Variants in FOXP1 observed in about 807,000 individuals in gnomAD.
FOXP1 encodes forkhead box P1, also known as forkhead box protein P1.
FOXP1 carries 15 observed loss-of-function variants against 98.2 expected under a neutral mutation model. The observed-to-expected ratio is 0.15, with a 90% CI of 0.10 to 0.24. The LOEUF (loss-of-function observed/expected upper bound fraction) is 0.24. Among genes scored for constraint, FOXP1 ranks in the 10% least tolerant of loss-of-function variants. The probability of loss-of-function intolerance (pLI) is 1.00; values close to 1 mark genes in which losing one functional copy is unlikely to be tolerated. For missense variants in FOXP1, 633 were observed against 848.5 expected (o/e 0.75, Z 3.15); for synonymous variants, 371 against 314.5 (o/e 1.18, Z -1.90).
intron 7 of FOXP1, among the ~76,000 whole-genome samples, chr3:71,076,775 T>C (rs1331358617): frequency 6.6e-6 from 1 of 152,244 alleles, no homozygotes; most frequent in East Asian, 1.9e-4. Flanking sequence ...GTCATGGCCA[T>C]GATTAACATG....
intron 3 of FOXP1, among the ~76,000 whole-genome samples, chr3:71,378,893 A>T (rs745317669): frequency 3.9e-5 from 6 of 152,234 alleles, no homozygotes; most frequent in Non-Finnish European, 5.9e-5. Flanking sequence ...GGGGTCTTGG[A>T]ATGTATCCCC....
rs936181015 is a variant in FOXP1 at position 71,490,817 on chromosome 3, T to A, written c.-168+2609A>T. ...TCATGTGGTTTTGTTAAATTTCATA[T>A]ATCAATTTTGTAATAGTGAGATTGA... On this transcript the variant is annotated intron_variant, in intron 3 of 20. Transcript: ENST00000649528. Among the ~76,000 whole-genome samples the A allele has an allele frequency of 5.3e-5, 8 of 152,212 alleles. 1 individual carries two copies. The highest frequency in any genetic ancestry group is 5.2e-4 in the Admixed American group (8 of 15,280).
chr3:70,958,121 C>CT lies in FOXP1; in HGVS notation c.*1125dup, dbSNP rs199626546. On this transcript the variant is annotated 3_prime_UTR_variant, in exon 21 of 21. Transcript: ENST00000649528. ...ATATTGTCAGTCTAATTAATATGAGCTTTTTTTTTTTTTTCAGTGCTGCCT... is the reference window on the plus strand; with the variant it reads ...ATATTGTCAGTCTAATTAATATGAGCTTTTTTTTTTTTTTTCAGTGCTGCCT... The CT allele has an allele frequency of 0.12, 33,256 of 266,114 alleles. 2,068 individuals carry two copies. Among genetic ancestry groups the CT allele is most frequent in the East Asian group, 0.36 (6,228 of 17,220 alleles). 16.5% of individuals were successfully genotyped at this position (266,114 alleles called of 1,614,324 possible). A position where few individuals can be genotyped will look rare whatever the true frequency, so the allele number is the denominator to read the frequency against.
chr3:71,395,438 A>G (rs191219606), intron 3 of FOXP1, among the ~76,000 whole-genome samples: 134 of 150,938 alleles, frequency 8.9e-4, no homozygotes, highest in East Asian at 5.1e-3. Flanking sequence ...TAAGTCTGGA[A>G]TGCTTCTCTT....
intron 5 of FOXP1, among the ~76,000 whole-genome samples, chr3:71,268,031 A>G (rs531793692): frequency 6.6e-6 from 1 of 151,716 alleles, no homozygotes; most frequent in Admixed American, 6.5e-5. Context: ...AAAAAAAAAA[A>G]AAAGTCTGTG....
intron 4 of FOXP1, among the ~76,000 whole-genome samples, chr3:71,322,645 G>A (rs1397061910): frequency 6.6e-6 from 1 of 152,172 alleles, no homozygotes; most frequent in Non-Finnish European, 1.5e-5. Flanking sequence ...AGCTCCAGGA[G>A]GGGTAAACTA....
intron 5 of FOXP1, among the ~76,000 whole-genome samples, chr3:71,201,859 T>C (rs190243562): frequency 6.8e-4 from 104 of 152,266 alleles, no homozygotes; most frequent in African/African-American, 2.3e-3. Flanking sequence ...AGGGACTTGA[T>C]CCCCAAAAGA....
chr3:71,015,670 A>G lies in FOXP1; in HGVS notation c.870-17T>C, dbSNP rs1162442596. The stretch of plus-strand genomic sequence containing the variant: ...TGGGACAAACTGAAAGAAAACACAC[A>G]GAAGACCAGAGAATGAATTTGCTGC... On this transcript the variant is annotated splice_polypyrimidine_tract_variant and intron_variant, in intron 11 of 20. Coordinates refer to ENST00000649528, the MANE Select transcript of FOXP1 (RefSeq NM_001349338.3). 6.6e-7 allele frequency: 1 copy of G among 1,526,150 alleles called. No individual in the cohort carries two copies. Among genetic ancestry groups the G allele is most frequent in the Admixed American group, 1.7e-5 (1 of 59,798 alleles). The allele number at this position is 1,526,150 out of a possible 1,614,324, so 94.5% of individuals were successfully genotyped here.
chr3:71,165,238 AT>A (rs1329092058), intron 6 of FOXP1, among the ~76,000 whole-genome samples: 2 of 103,404 alleles, frequency 1.9e-5, no homozygotes, highest in Admixed American at 1.2e-4. Flanking sequence ...ATTGAAAGCT[AT>A]TTTTTTGTAA....
At chr3:71,442,571 T>C (rs374266309) in intron 3 of FOXP1, among the ~76,000 whole-genome samples, 13 of 152,242 alleles carry the variant, frequency 8.5e-5, no homozygotes, top group African/African-American at 2.9e-4. Context: ...AGGTCCTCTC[T>C]GTCGTCAGTA....
intron 5 of FOXP1, among the ~76,000 whole-genome samples, chr3:71,288,645 C>T (rs1435725555): frequency 2.0e-5 from 3 of 152,134 alleles, no homozygotes; most frequent in African/African-American, 7.2e-5. Flanking sequence ...TGCAAATCTC[C>T]AAACCATCAG....
intron 4 of FOXP1, among the ~76,000 whole-genome samples, chr3:71,318,830 C>A (rs1485694392): frequency 6.6e-6 from 1 of 152,156 alleles, no homozygotes; most frequent in African/African-American, 2.4e-5. Flanking sequence ...GTAGTAAAAA[C>A]CTCTTCAGAG....
chr3:71,317,899 A>G (rs1279181656), intron 4 of FOXP1, among the ~76,000 whole-genome samples: 5 of 152,194 alleles, frequency 3.3e-5, no homozygotes, highest in African/African-American at 1.2e-4. Context: ...ATGAGCAAGA[A>G]CAGCTTAGTT....
rs1293935602 is a variant in FOXP1, at chr3:70,978,000, G to T, written c.1176C>A (p.Ser392=). Residue 392 remains serine (S), a synonymous_variant, in exon 15 of 21, where the codon TCC becomes TCA. Transcript: ENST00000649528. The part of the protein sequence containing the change: ...PLNLVSSVTL[S]KSASEASPQS... ...GTGGAGAAGCCTCCGATGCGGACTT[G>T]GAGAGAGTGACACTTGATACCAGAT... 1.2e-6 allele frequency: 2 copies of T among 1,613,944 alleles called. No homozygotes were observed.
At chr3:71,453,015 C>T (rs1482578361) in intron 3 of FOXP1, among the ~76,000 whole-genome samples, 1 of 152,146 alleles carries the variant, frequency 6.6e-6, no homozygotes. Flanking sequence ...GCCTGTGCTG[C>T]CTAGTTCTTT....
At chr3:71,007,072 T>A (rs2107661609) in intron 12 of FOXP1, among the ~76,000 whole-genome samples, 1 of 152,214 alleles carries the variant, frequency 6.6e-6, no homozygotes, top group East Asian at 1.9e-4. Flanking sequence ...CTTGAACTCC[T>A]AAGCAATGTC....
intron 4 of FOXP1, among the ~76,000 whole-genome samples, chr3:71,312,081 A>G (rs750596847): frequency 4.4e-4 from 67 of 152,340 alleles, no homozygotes; most frequent in Middle Eastern, 3.4e-3. Context: ...CTGTTATGTT[A>G]ATAATAACTA....
chr3:70,973,228 C>T (rs912821906), intron 17 of FOXP1, among the ~76,000 whole-genome samples: 5 of 146,686 alleles, frequency 3.4e-5, no homozygotes, highest in Admixed American at 2.7e-4. Flanking sequence ...GGGTGGTGAA[C>T]GGACCCCCCG....
At chr3:71,503,275 G>A (rs76982347) in intron 2 of FOXP1, among the ~76,000 whole-genome samples, 6 of 152,094 alleles carry the variant, frequency 3.9e-5, no homozygotes, top group Non-Finnish European at 8.8e-5. Flanking sequence ...TCTTACCAGA[G>A]GCCTTTGTAG....
Sources: gnomAD v4.1 joint callset for allele counts (sites outside exome capture counted in the v4.1 genomes callset) on GRCh38, gnomAD v4.1.1 for gene constraint, MANE v1.5 for transcripts, NCBI Gene and HGNC (gene_info 2026-07-23, HGNC 2026-07-21) for gene names.